UPF2: variants seen among roughly 807,000 people sequenced by gnomAD.
UPF2 encodes the protein UPF2 regulator of nonsense mediated mRNA decay, also known as regulator of nonsense transcripts 2.
In UPF2, 17 loss-of-function variants were observed where a neutral mutation model predicts 141.4. That is an observed-to-expected ratio of 0.12 (90% CI 0.08 to 0.18). The LOEUF (loss-of-function observed/expected upper bound fraction) is 0.18, where lower values mean the gene tolerates loss of function less well. Ranked by LOEUF, UPF2 falls within the 10% of genes least tolerant of loss-of-function variation. UPF2 has a pLI of 1.00. For missense variants in UPF2, 1,152 were observed against 1,515.9 expected (o/e 0.76, Z 3.99); for synonymous variants, 540 against 498.0 (o/e 1.08, Z -1.12).
At chr10:12,028,361 A>C (rs1834456832) in intron 3 of UPF2, among the ~76,000 whole-genome samples, 1 of 152,216 alleles carries the variant, frequency 6.6e-6, no homozygotes, top group South Asian at 2.1e-4. Flanking sequence ...CTTAAAATAC[A>C]AAACAATGAA....
intron 7 of UPF2, among the ~76,000 whole-genome samples, chr10:11,999,471 C>T (rs1833918109): frequency 1.4e-5 from 2 of 146,670 alleles, no homozygotes; most frequent in Non-Finnish European, 1.5e-5. Flanking sequence ...CAGGATCACA[C>T]CATTGCACTC....
chr10:12,023,906 T>C (rs1355796330), intron 3 of UPF2, among the ~76,000 whole-genome samples: 2 of 151,448 alleles, frequency 1.3e-5, no homozygotes, highest in Non-Finnish European at 2.9e-5. Context: ...GGAGGACTGC[T>C]TGAGCTGGGA....
intron 15 of UPF2, among the ~76,000 whole-genome samples, chr10:11,950,286 A>G (rs1347609911): frequency 6.6e-6 from 1 of 152,168 alleles, no homozygotes; most frequent in Non-Finnish European, 1.5e-5. Context: ...ACATGAGACA[A>G]TGAATTTTCA....
At chr10:12,034,533 G>A (rs754634559) in intron 2 of UPF2, among the ~76,000 whole-genome samples, 2 of 141,564 alleles carry the variant, frequency 1.4e-5, no homozygotes, top group East Asian at 2.3e-4. Context: ...AGCCAGGTGC[G>A]GTGGCTCACA....
chr10:11,954,504 T>A (rs1211498237), intron 14 of UPF2, among the ~76,000 whole-genome samples: 1 of 151,168 alleles, frequency 6.6e-6, no homozygotes, highest in Admixed American at 6.6e-5. Context: ...TGTGGTGGAG[T>A]ACACCTGTAA....
At chr10:11,993,760 G>A (rs953048722) in intron 8 of UPF2, among the ~76,000 whole-genome samples, 4 of 151,946 alleles carry the variant, frequency 2.6e-5, no homozygotes, top group Non-Finnish European at 5.9e-5. Context: ...AGCTGCTTGA[G>A]CCCAGGAGTT....
rs144006768 is a variant in UPF2 at position 11,938,018 on chromosome 10, C to A, written c.3379-1306G>T. Among the ~76,000 whole-genome samples, 32 of 152,228 alleles carry A rather than the reference C, an allele frequency of 2.1e-4. No homozygotes were observed. The East Asian group carries it at 6.2e-3, about 29-fold the overall frequency. ...AGTATGTCCATACTAACTCCTCCAG[C>A]GACTTCCCACTGCCCCAACCCCAAG... On this transcript the variant is annotated intron_variant, in intron 18 of 21. Coordinates refer to ENST00000357604, the MANE Select transcript of UPF2 (RefSeq NM_015542.4).
At chr10:11,993,101 GATCACAC>G (rs940433717) in intron 8 of UPF2, among the ~76,000 whole-genome samples, 1 of 127,592 alleles carries the variant, frequency 7.8e-6, no homozygotes, top group Non-Finnish European at 1.5e-5. Flanking sequence ...AGTGAGCAGA[GATCACAC>G]CACTGCACTC....
At chr10:12,020,304 T>G (rs1834295130) in intron 3 of UPF2, among the ~76,000 whole-genome samples, 1 of 151,864 alleles carries the variant, frequency 6.6e-6, no homozygotes, top group African/African-American at 2.4e-5. Context: ...CAGGCTGGAG[T>G]GCAATGGCGC....
At chr10:11,943,971 C>T (rs191844979) in intron 16 of UPF2, among the ~76,000 whole-genome samples, 47 of 150,632 alleles carry the variant, frequency 3.1e-4, no homozygotes, top group African/African-American at 1.1e-3. Flanking sequence ...CAAGTCACCC[C>T]CGCATGGTTC....
upstream of UPF2, chr10:12,043,070 C>T (rs1268104116): frequency 6.6e-6 from 1 of 152,336 alleles, no homozygotes; most frequent in Non-Finnish European, 1.5e-5. Context: ...GGGGCAAAGG[C>T]TCATATGAGT....
Position 12,014,285 on chromosome 10 carries a change from T to G in UPF2, c.1146-101A>C. On this transcript the variant is annotated intron_variant, in intron 3 of 21. Coordinates refer to ENST00000357604, the MANE Select transcript of UPF2 (RefSeq NM_015542.4). The surrounding 1 kb of genome is among the most constrained non-coding windows in gnomAD (Gnocchi z 5.0). ...CCATAATTTGATTTTCTCATACAAA[T>G]TTAGTAAAATCTTCATTTTTATTTA... 5.3e-6 allele frequency: 6 copies of G among 1,139,924 alleles called. No individual in the cohort carries two copies. In the South Asian group the frequency reaches 2.3e-4, roughly 45 times the overall value. 70.6% of individuals were successfully genotyped at this position (1,139,924 alleles called of 1,614,324 possible).
At chr10:12,029,659 T>C (rs1834481166) in intron 2 of UPF2, 135 bp from the exon 3 acceptor site, 6 of 1,004,238 alleles carry the variant, frequency 6.0e-6, no homozygotes, top group Non-Finnish European at 8.4e-6. Flanking sequence ...GGCCTTTCAC[T>C]ACTTTTAAAG....
upstream of UPF2, chr10:12,042,831 C>A (rs913340353): frequency 6.6e-5 from 10 of 152,176 alleles, no homozygotes; most frequent in Non-Finnish European, 1.5e-4. This position sits in a 1 kb window ranked among gnomAD's most constrained non-coding sequence, Gnocchi z 5.5. Context: ...TCCCCTCCCC[C>A]CACCTATCTC....
In UPF2 at chr10:11,940,705, G is replaced by T. The variant is rs1032997084; in HGVS notation, c.3378+1960C>A. Among the ~76,000 whole-genome samples, 1 of 152,096 alleles carries T rather than the reference G, an allele frequency of 6.6e-6. No homozygotes were observed. The highest frequency in any genetic ancestry group is 6.5e-5 in the Admixed American group (1 of 15,268). ...CTCAAATCCAGACTTCTCTCCATGT[G>T]CCTTGCCATATGCTAGACAGCTGAC... On this transcript the variant is annotated intron_variant, in intron 18 of 21. Coordinates refer to ENST00000357604, the MANE Select transcript of UPF2 (RefSeq NM_015542.4). This position sits in a 1 kb window ranked among gnomAD's most constrained non-coding sequence, Gnocchi z 4.2.
In UPF2 at chr10:12,016,001, CT is replaced by C. The variant is rs1367925890; in HGVS notation, c.1146-1818del. The stretch of plus-strand genomic sequence containing the variant: ...TTGTCATTAGAGAGCATGTTTCCCC[CT>C]CTTCAAACATGTGTTTCAGACTACT... On this transcript the variant is annotated intron_variant, in intron 3 of 21. Coordinates refer to ENST00000357604, the MANE Select transcript of UPF2 (RefSeq NM_015542.4). This position sits in a 1 kb window ranked among gnomAD's most constrained non-coding sequence, Gnocchi z 4.1. Among the ~76,000 whole-genome samples, 1 of 152,112 alleles carries C rather than the reference CT, an allele frequency of 6.6e-6. No individual in the cohort carries two copies. The highest frequency in any genetic ancestry group is 1.9e-4 in the East Asian group (1 of 5,182).
rs1051522489 is a variant in UPF2, at chr10:11,979,322, G to T, written c.1845-157C>A. ...TTATTGCCATCATAAAGAAGTGTTT[G>T]AAAATTCAATGAGCCTTCTACAATT... On this transcript the variant is annotated intron_variant, in intron 8 of 21. Coordinates refer to ENST00000357604, the MANE Select transcript of UPF2 (RefSeq NM_015542.4). This position sits in a 1 kb window ranked among gnomAD's most constrained non-coding sequence, Gnocchi z 6.2. 1.3e-5 allele frequency among the ~76,000 whole-genome samples: 2 copies of T among 152,116 alleles called. No homozygotes were observed. The highest frequency in any genetic ancestry group is 2.9e-5 in the Non-Finnish European group (2 of 68,020).
Position 11,959,224 on chromosome 10 carries a change from C to G in UPF2, c.2317G>C (p.Glu773Gln). ...TTGTACAAAAGTTTCCGGACATATTCCTGGAGAGGAGGACGTTTCTTTTTC... is the reference window on the plus strand; with the variant it reads ...TTGTACAAAAGTTTCCGGACATATTGCTGGAGAGGAGGACGTTTCTTTTTC... ...TVKKKRPPLQ[E>Q]YVRKLLYKDL... The change falls in exon 12 of 22, where the codon GAA (glutamate) becomes CAA (glutamine). Residue 773 changes from glutamate to glutamine, a missense_variant. Glu to Gln is a conservative substitution (Grantham distance 29). Around this residue, in one of 4 missense-constraint regions of UPF2, gnomAD observed 739 missense variants for 1,032.2 expected, o/e 0.72. Coordinates refer to ENST00000357604, the MANE Select transcript of UPF2 (RefSeq NM_015542.4). The surrounding 1 kb of genome is among the most constrained non-coding windows in gnomAD (Gnocchi z 5.9). The G allele has an allele frequency of 6.2e-7, 1 of 1,612,780 alleles. No individual in the cohort carries two copies. Among genetic ancestry groups the G allele is most frequent in the South Asian group, 1.1e-5 (1 of 90,942 alleles).
intron 21 of UPF2, chr10:11,923,342 T>C (rs1832669760): frequency 6.6e-6 from 1 of 152,100 alleles, no homozygotes; most frequent in Non-Finnish European, 1.5e-5. Context: ...GTCAGGAGTT[T>C]TGGAGACCAG....
Sources: allele counts gnomAD v4.1 joint callset (sites outside exome capture counted in the v4.1 genomes callset), GRCh38; gene constraint gnomAD v4.1.1; regional missense constraint gnomAD v4.1.1; non-coding constraint Gnocchi (gnomAD v3.1); transcripts MANE v1.5; gene names NCBI Gene and HGNC (gene_info 2026-07-23, HGNC 2026-07-21).